PLCB1: variants seen among roughly 807,000 people sequenced by gnomAD.
PLCB1 encodes 1-phosphatidylinositol 4,5-bisphosphate phosphodiesterase beta-1.
A neutral mutation model predicts 161.8 loss-of-function variants in PLCB1; 46 were observed. The ratio of observed to expected loss-of-function variants is 0.28; its 90% CI spans 0.22 to 0.36. The LOEUF is 0.36. PLCB1 is among the 10% of genes least tolerant of loss of function. The pLI is 1.00. For synonymous variants in PLCB1, 517 were observed against 503.7 expected (o/e 1.03, Z -0.35); for missense variants, 1,016 against 1,472.5 (o/e 0.69, Z 5.07).
intron 1 of PLCB1, among the ~76,000 whole-genome samples, chr20:8,149,469 C>A (rs2051486795): frequency 6.6e-6 from 1 of 152,068 alleles, no homozygotes; most frequent in Non-Finnish European, 1.5e-5. Flanking sequence ...ATTACAAGTT[C>A]TTTTAATAAG....
At chr20:8,274,009 A>G (rs985223277) in intron 2 of PLCB1, among the ~76,000 whole-genome samples, 2 of 152,216 alleles carry the variant, frequency 1.3e-5, no homozygotes, top group East Asian at 3.8e-4. Context: ...TAGGAGAAAA[A>G]ATCATCATAC....
At chr20:8,338,851 TATC>T (rs1475497513) in intron 2 of PLCB1, among the ~76,000 whole-genome samples, 1 of 152,202 alleles carries the variant, frequency 6.6e-6, no homozygotes, top group East Asian at 1.9e-4. Context: ...ACTATTATCT[TATC>T]ATCCAGCTTA....
chr20:8,326,449 A>G (rs1985157837), intron 2 of PLCB1, among the ~76,000 whole-genome samples: 1 of 152,184 alleles, frequency 6.6e-6, no homozygotes, highest in South Asian at 2.1e-4. Context: ...GTTGTTTTTA[A>G]GCTTTCTAGG....
At chr20:8,842,372 A>G (rs1373396635) in intron 31 of PLCB1, among the ~76,000 whole-genome samples, 1 of 152,210 alleles carries the variant, frequency 6.6e-6, no homozygotes, top group East Asian at 1.9e-4. Flanking sequence ...CTAGCCTTAC[A>G]ATTTATTCAG....
chr20:8,286,691 A>C (rs578196776), intron 2 of PLCB1, among the ~76,000 whole-genome samples: 1 of 152,162 alleles, frequency 6.6e-6, no homozygotes, highest in Non-Finnish European at 1.5e-5. Flanking sequence ...ATTGTCTACT[A>C]TATGTTAGAG....
chr20:8,782,540 G>A (rs945203137), intron 27 of PLCB1, among the ~76,000 whole-genome samples: 12 of 151,950 alleles, frequency 7.9e-5, no homozygotes, highest in Non-Finnish European at 1.5e-4. Context: ...CTACAGGCAC[G>A]CACCACCATG....
At chr20:8,359,470 G>T (rs914114572) in intron 2 of PLCB1, among the ~76,000 whole-genome samples, 3 of 152,072 alleles carry the variant, frequency 2.0e-5, no homozygotes, top group Non-Finnish European at 4.4e-5. Flanking sequence ...TTAGCTATGG[G>T]TATGACAAAA....
At chr20:8,459,230 C>T (rs1040180766) in intron 3 of PLCB1, among the ~76,000 whole-genome samples, 4 of 152,140 alleles carry the variant, frequency 2.6e-5, no homozygotes, top group African/African-American at 7.2e-5. Context: ...TTAATTTTGT[C>T]GTTAGACATT....
intron 2 of PLCB1, among the ~76,000 whole-genome samples, chr20:8,332,894 T>A (rs559707202): frequency 2.1e-4 from 32 of 152,340 alleles, no homozygotes; most frequent in African/African-American, 7.2e-4. Flanking sequence ...ACTTTTAGGA[T>A]CTTATTTGAC....
At chr20:8,149,650 C>T (rs2123031218) in intron 1 of PLCB1, among the ~76,000 whole-genome samples, 1 of 152,036 alleles carries the variant, frequency 6.6e-6, no homozygotes, top group African/African-American at 2.4e-5. Context: ...CTGAAAATTG[C>T]TAAGAGAAAA....
At chr20:8,541,605 A>AAAGAAAGAAAGAAAGAAAGAAAGG (rs796318352) in intron 3 of PLCB1, among the ~76,000 whole-genome samples, 379 of 149,872 alleles carry the variant, frequency 2.5e-3, no homozygotes, top group African/African-American at 3.9e-3. Flanking sequence ...AGAAAGAAAG[A>AAAGAAAGAAAGAAAGAAAGAAAGG]AAGGAAGGAA....
At chr20:8,288,607 T>C (rs1051639645) in intron 2 of PLCB1, among the ~76,000 whole-genome samples, 1 of 152,276 alleles carries the variant, frequency 6.6e-6, no homozygotes, top group East Asian at 1.9e-4. Context: ...GGTGCATGCA[T>C]AAACTTCCAG....
At chr20:8,311,245 A>G (rs1470654804) in intron 2 of PLCB1, among the ~76,000 whole-genome samples, 2 of 152,248 alleles carry the variant, frequency 1.3e-5, no homozygotes, top group African/African-American at 2.4e-5. Flanking sequence ...TTCATTGTAA[A>G]ATCTAGAGTG....
At chr20:8,821,488 AAAAAAAAAAT>A (rs1985368016) in intron 31 of PLCB1, among the ~76,000 whole-genome samples, 1 of 44,384 alleles carries the variant, frequency 2.3e-5, no homozygotes, top group Non-Finnish European at 4.4e-5. Flanking sequence ...AAAAAAAAAA[AAAAAAAAAAT>A]ATGTATATAT....
chr20:8,266,701 T>A (rs1215442878), intron 2 of PLCB1, among the ~76,000 whole-genome samples: 2 of 152,160 alleles, frequency 1.3e-5, no homozygotes, highest in Non-Finnish European at 2.9e-5. Context: ...AAATAGCCTT[T>A]CTCTCCAGAT....
chr20:8,386,384 G>GGTT, intron 3 of PLCB1, among the ~76,000 whole-genome samples: 1 of 152,166 alleles, frequency 6.6e-6, no homozygotes, highest in East Asian at 1.9e-4. Context: ...CACCATCAGA[G>GGTT]CTCTTTTGTG....
rs1352896732 is a variant in PLCB1 at position 8,774,734 on chromosome 20, C to T, written c.3111+15C>T. 6.3e-7 allele frequency: 1 copy of T among 1,575,626 alleles called. No homozygotes were observed. The highest frequency in any genetic ancestry group is 8.7e-7 in the Non-Finnish European group (1 of 1,152,340). ...ATATTAAACTGGTGAGCCTGAGAAA[C>T]ATGATTTATGTTTGTGCAACTGGAA... On this transcript the variant is annotated intron_variant, in intron 27 of 31. Transcript: ENST00000338037.
chr20:8,855,286 G>C (rs898129710), intron 31 of PLCB1, among the ~76,000 whole-genome samples: 2 of 152,072 alleles, frequency 1.3e-5, no homozygotes, highest in African/African-American at 4.8e-5. Context: ...AGTATATTTT[G>C]AGTTGTGCTG....
At chr20:8,692,343 G>C (rs1600255123) in intron 10 of PLCB1, among the ~76,000 whole-genome samples, 1 of 152,056 alleles carries the variant, frequency 6.6e-6, no homozygotes, top group East Asian at 1.9e-4. Flanking sequence ...TTAGCCCTTA[G>C]CATATGCAAC....
Sources: gnomAD v4.1 joint callset for allele counts (sites outside exome capture counted in the v4.1 genomes callset) on GRCh38, gnomAD v4.1.1 for gene constraint, MANE v1.5 for transcripts, NCBI Gene and HGNC (gene_info 2026-07-23, HGNC 2026-07-21) for gene names.